Variants in ZFHX4 observed in about 807,000 individuals in gnomAD.
ZFHX4 encodes zinc finger homeobox 4, also known as zinc finger homeobox protein 4.
In ZFHX4, 56 loss-of-function variants were observed where a neutral mutation model predicts 267.6. The ratio of observed to expected loss-of-function variants is 0.21; its 90% CI spans 0.17 to 0.26. The LOEUF is 0.26. Ranked by LOEUF, ZFHX4 falls within the 10% of genes least tolerant of loss-of-function variation. The pLI is 1.00. For missense variants in ZFHX4, 4,332 were observed against 4,420.0 expected (o/e 0.98, Z 0.56); for synonymous variants, 1,778 against 1,665.6 (o/e 1.07, Z -1.64).
chr8:76,835,209 G>GTATATATATGTATATATATATATA (rs1563548906), intron 5 of ZFHX4, among the ~76,000 whole-genome samples: 11 of 46,510 alleles, frequency 2.4e-4, no homozygotes, highest in Non-Finnish European at 4.0e-4. Flanking sequence ...TTGCTTTGGT[G>GTATATATATGTATATATATATATA]TATATATATG....
intron 4 of ZFHX4, among the ~76,000 whole-genome samples, chr8:76,808,933 TCACACACA>T (rs1196242716): frequency 6.9e-6 from 1 of 145,030 alleles, no homozygotes; most frequent in Non-Finnish European, 1.5e-5. Context: ...TCTCTCTCTC[TCACACACA>T]CACACACACA....
intron 1 of ZFHX4, among the ~76,000 whole-genome samples, chr8:76,684,572 A>C (rs917833052): frequency 3.3e-5 from 5 of 152,360 alleles, no homozygotes; most frequent in African/African-American, 1.2e-4. Context: ...GGGAAATATC[A>C]TAAATCTGAA....
In ZFHX4 at chr8:76,822,452, C is replaced by CTTTTT. The variant is rs5892566; in HGVS notation, c.3326-10868_3326-10864dup. 1.9e-3 allele frequency among the ~76,000 whole-genome samples: 226 copies of CTTTTT among 116,100 alleles called. 2 individuals carry two copies. Among genetic ancestry groups the CTTTTT allele is most frequent in the Middle Eastern group, 5.4e-3 (1 of 186 alleles). The allele number at this position is 116,100 out of a possible 152,430, so 76.2% of individuals were successfully genotyped here. A position where few individuals can be genotyped will look rare whatever the true frequency, so the allele number is the denominator to read the frequency against. Reference sequence around the variant, plus strand: ...TCACTATCTGATCCTGTGTCTACCTCTTTTTTTTTTTTTTTTTTTTTTGAG... The same window carrying CTTTTT: ...TCACTATCTGATCCTGTGTCTACCTCTTTTTTTTTTTTTTTTTTTTTTTTTTTGAG... On this transcript the variant is annotated intron_variant, in intron 4 of 10. Transcript: ENST00000651372.
chr8:76,712,417 A>G (rs1229088840), intron 3 of ZFHX4, among the ~76,000 whole-genome samples: 1 of 152,156 alleles, frequency 6.6e-6, no homozygotes, highest in Non-Finnish European at 1.5e-5. Context: ...TTAGTAGGAA[A>G]TAATAACCCG....
intron 6 of ZFHX4, among the ~76,000 whole-genome samples, chr8:76,844,657 T>G (rs570802639): frequency 1.3e-5 from 2 of 152,232 alleles, no homozygotes; most frequent in East Asian, 3.9e-4. Context: ...CTTGGGCATT[T>G]GAGAGGATAT....
chr8:76,716,020 T>C (rs965986562), intron 3 of ZFHX4, among the ~76,000 whole-genome samples: 3 of 152,180 alleles, frequency 2.0e-5, no homozygotes, highest in Non-Finnish European at 4.4e-5. Flanking sequence ...TATCTGCTAA[T>C]AAAATTATTG....
At chr8:76,726,980 C>T (rs537245276) in intron 3 of ZFHX4, among the ~76,000 whole-genome samples, 110 of 152,272 alleles carry the variant, frequency 7.2e-4, no homozygotes, top group African/African-American at 2.5e-3. Context: ...TAATGCTTAG[C>T]GTCATGATGC....
At chr8:76,685,575 C>G (rs562044311) in intron 1 of ZFHX4, among the ~76,000 whole-genome samples, 8 of 152,188 alleles carry the variant, frequency 5.3e-5, no homozygotes, top group Admixed American at 2.0e-4. Context: ...TATGTACATT[C>G]TGCTGCTTTA....
chr8:76,785,944 C>G (rs184303757), intron 4 of ZFHX4, among the ~76,000 whole-genome samples: 72 of 152,240 alleles, frequency 4.7e-4, no homozygotes, highest in African/African-American at 1.6e-3. Context: ...AACGGGTTCA[C>G]TAAATATAAT....
chr8:76,761,228 T>TA (rs1563506830), intron 3 of ZFHX4, among the ~76,000 whole-genome samples: 1 of 152,244 alleles, frequency 6.6e-6, no homozygotes, highest in African/African-American at 2.4e-5. Context: ...AATGCAACTA[T>TA]CAGGTACATC....
intron 3 of ZFHX4, among the ~76,000 whole-genome samples, chr8:76,748,642 C>A (rs1294426620): frequency 6.6e-6 from 1 of 152,084 alleles, no homozygotes; most frequent in Non-Finnish European, 1.5e-5. Context: ...CACTATGTTG[C>A]CCAGGTTGGC....
At chr8:76,797,724 G>A (rs1044030495) in intron 4 of ZFHX4, among the ~76,000 whole-genome samples, 4 of 152,164 alleles carry the variant, frequency 2.6e-5, no homozygotes, top group African/African-American at 4.8e-5. Flanking sequence ...ATTTAGAAAG[G>A]TGGCAGAAAA....
At chr8:76,848,206 C>T (rs990510550) in intron 6 of ZFHX4, among the ~76,000 whole-genome samples, 17 of 152,138 alleles carry the variant, frequency 1.1e-4, no homozygotes, top group Non-Finnish European at 1.0e-4. Flanking sequence ...AATATCTAGC[C>T]TTGCAGAGGA....
At chr8:76,748,267 T>G (rs1563498976) in intron 3 of ZFHX4, among the ~76,000 whole-genome samples, 1 of 152,210 alleles carries the variant, frequency 6.6e-6, no homozygotes, top group African/African-American at 2.4e-5. Flanking sequence ...TCTTCATGGA[T>G]CATCCAGCTA....
intron 4 of ZFHX4, among the ~76,000 whole-genome samples, chr8:76,778,707 T>G (rs185163004): frequency 6.6e-5 from 10 of 152,320 alleles, no homozygotes; most frequent in African/African-American, 2.2e-4. Flanking sequence ...CTTGGGAGGA[T>G]CTCACAGTGA....
intron 1 of ZFHX4, among the ~76,000 whole-genome samples, chr8:76,697,082 C>T (rs983781822): frequency 6.6e-6 from 1 of 151,736 alleles, no homozygotes; most frequent in Non-Finnish European, 1.5e-5. Context: ...AAAATATGTA[C>T]CTACGCTATT....
At chr8:76,806,456 A>G (rs1585964882) in intron 4 of ZFHX4, among the ~76,000 whole-genome samples, 1 of 152,224 alleles carries the variant, frequency 6.6e-6, no homozygotes, top group East Asian at 1.9e-4. Flanking sequence ...GATTAATGAC[A>G]CAGAAAAAAT....
At chr8:76,849,435 C>T (rs750285207) in intron 7 of ZFHX4, 77 bp from the exon 8 acceptor site, 7 of 1,344,100 alleles carry the variant, frequency 5.2e-6, no homozygotes, top group South Asian at 3.6e-5. Flanking sequence ...TCACACGTAC[C>T]CCCAAAATAC....
At chr8:76,715,935 T>C (rs940352499) in intron 3 of ZFHX4, among the ~76,000 whole-genome samples, 1 of 152,210 alleles carries the variant, frequency 6.6e-6, no homozygotes, top group Admixed American at 6.5e-5. Flanking sequence ...GTGTTAGGAC[T>C]ATATTTTTCC....
Sources: gnomAD v4.1 joint callset for allele counts (sites outside exome capture counted in the v4.1 genomes callset) on GRCh38, gnomAD v4.1.1 for gene constraint, MANE v1.5 for transcripts, NCBI Gene and HGNC (gene_info 2026-07-23, HGNC 2026-07-21) for gene names.